Variants in TENM2 observed in about 807,000 individuals in gnomAD.
The protein encoded by TENM2 is teneurin-2.
TENM2 carries 52 observed loss-of-function variants against 245.2 expected under a neutral mutation model. The ratio of observed to expected loss-of-function variants is 0.21; its 90% CI spans 0.17 to 0.27. TENM2 has a LOEUF of 0.27. Among genes scored for constraint, TENM2 ranks in the 10% least tolerant of loss-of-function variants. The pLI is 1.00. For synonymous variants in TENM2, 1,363 were observed against 1,438.9 expected (o/e 0.95, Z 1.19); for missense variants, 3,046 against 3,666.8 (o/e 0.83, Z 4.37).
At chr5:167,811,152 C>T (rs1167554707) in intron 2 of TENM2, among the ~76,000 whole-genome samples, 2 of 152,124 alleles carry the variant, frequency 1.3e-5, no homozygotes, top group Non-Finnish European at 2.9e-5. Context: ...GTAGGATTTG[C>T]ACAAACTGTG....
the TENM2 span, among the ~76,000 whole-genome samples, chr5:167,021,139 AAAAAT>A: frequency 0.4 from 60,775 of 151,548 alleles, 13,018 homozygotes; most frequent in Admixed American, 0.55. Context: ...CTCAAAAAAT[AAAAAT>A]AAAATAAAAT....
intron 7 of TENM2, among the ~76,000 whole-genome samples, chr5:168,077,478 G>A (rs180910806): frequency 6.6e-6 from 1 of 151,736 alleles, no homozygotes; most frequent in Non-Finnish European, 1.5e-5. Flanking sequence ...TGCACAAAGT[G>A]CAGGTTTGTT....
intron 25 of TENM2, among the ~76,000 whole-genome samples, chr5:168,233,795 C>T (rs1765162394): frequency 6.6e-6 from 1 of 152,068 alleles, no homozygotes; most frequent in African/African-American, 2.4e-5. Context: ...AGAATCATGG[C>T]GGGAGGCAAA....
intron 5 of TENM2, among the ~76,000 whole-genome samples, chr5:167,994,117 G>A (rs566694431): frequency 6.6e-6 from 1 of 151,502 alleles, no homozygotes. Context: ...AGGCCATGGT[G>A]ATGTTTGTTA....
chr5:167,560,480 G>A (rs565367493), intron 2 of TENM2, among the ~76,000 whole-genome samples: 1 of 152,220 alleles, frequency 6.6e-6, no homozygotes, highest in African/African-American at 2.4e-5. Flanking sequence ...GAGAGTGGTA[G>A]TATGTACACC....
the TENM2 span, among the ~76,000 whole-genome samples, chr5:167,197,780 G>A: frequency 2.0e-5 from 3 of 151,680 alleles, no homozygotes; most frequent in South Asian, 2.1e-4. Context: ...CCATATTCTC[G>A]GTTGTAAAAT....
chr5:167,695,258 A>G lies in TENM2; in HGVS notation c.503-180728A>G, dbSNP rs147813736. On this transcript the variant is annotated intron_variant, in intron 2 of 28. Transcript: ENST00000518659. ...GTAAGTATCTTAGGCTTTGCAGGCC[A>G]TGAGGTCTCTGTTGCTACTACTCAG... Among the ~76,000 whole-genome samples the G allele has an allele frequency of 3.3e-3, 509 of 152,322 alleles. 3 individuals are homozygous for G. The highest frequency in any genetic ancestry group is 6.8e-3 in the Middle Eastern group (2 of 294).
intron 2 of TENM2, among the ~76,000 whole-genome samples, chr5:167,497,197 G>A (rs987006733): frequency 6.6e-6 from 1 of 151,858 alleles, no homozygotes; most frequent in African/African-American, 2.4e-5. Flanking sequence ...AGTCCTAACA[G>A]GACATTTAGG....
At chr5:168,262,135 C>T (rs549180477) in exon 29 of TENM2, 19 of 1,613,850 alleles carry the variant, frequency 1.2e-5, no homozygotes, top group Admixed American at 1.2e-4. Context: ...AAAAGCTCCA[C>T]GCCAGCATCC....
At chr5:168,045,690 C>T (rs906385121) in intron 5 of TENM2, among the ~76,000 whole-genome samples, 7 of 152,156 alleles carry the variant, frequency 4.6e-5, no homozygotes, top group African/African-American at 1.4e-4. Context: ...TGGCCCAAGG[C>T]GAGCTTCAAT....
intron 2 of TENM2, among the ~76,000 whole-genome samples, chr5:167,509,420 A>G (rs1264327720): frequency 6.6e-6 from 1 of 152,246 alleles, no homozygotes; most frequent in Non-Finnish European, 1.5e-5. Context: ...TTATTGGATT[A>G]ACTTGAAAAG....
the TENM2 span, among the ~76,000 whole-genome samples, chr5:167,057,278 G>A: frequency 4.6e-5 from 7 of 151,910 alleles, no homozygotes; most frequent in Admixed American, 2.0e-4. Flanking sequence ...GCTTATTAAT[G>A]GTCATTTAAA....
chr5:167,853,311 A>AAG (rs1462506773), intron 2 of TENM2, among the ~76,000 whole-genome samples: 1 of 143,980 alleles, frequency 6.9e-6, no homozygotes, highest in African/African-American at 2.7e-5. Context: ...AAAAAAAAAA[A>AAG]AGAAAGTGAT....
At chr5:167,341,589 A>C (rs1284099536) in intron 1 of TENM2, among the ~76,000 whole-genome samples, 1 of 152,114 alleles carries the variant, frequency 6.6e-6, no homozygotes. Context: ...CCATTTATGA[A>C]GTACTTCACA....
At chr5:167,840,919 C>G (rs554223410) in intron 2 of TENM2, among the ~76,000 whole-genome samples, 1 of 152,206 alleles carries the variant, frequency 6.6e-6, no homozygotes, top group Non-Finnish European at 1.5e-5. Flanking sequence ...GCCAGTGACT[C>G]TTAATGCTGC....
intron 23 of TENM2, 133 bp from the exon 26 acceptor site, chr5:168,225,955 G>T (rs754578717): frequency 1.5e-6 from 1 of 678,352 alleles, no homozygotes; most frequent in South Asian, 2.0e-5. Flanking sequence ...TGTGACGAGG[G>T]GCCTCAGTGA....
At chr5:167,764,161 A>C (rs1762854871) in intron 2 of TENM2, among the ~76,000 whole-genome samples, 1 of 152,144 alleles carries the variant, frequency 6.6e-6, no homozygotes, top group Admixed American at 6.6e-5. Context: ...GTTAGGGATA[A>C]ATTTGGGAGA....
At chr5:168,175,736 G>A (rs776789871) in intron 13 of TENM2, among the ~76,000 whole-genome samples, 3 of 152,132 alleles carry the variant, frequency 2.0e-5, no homozygotes, top group Non-Finnish European at 2.9e-5. Context: ...GGGTTATGCT[G>A]GAAAAGAGGA....
At chr5:167,619,732 G>C (rs1332989463) in intron 2 of TENM2, among the ~76,000 whole-genome samples, 1 of 152,152 alleles carries the variant, frequency 6.6e-6, no homozygotes, top group Admixed American at 6.6e-5. Flanking sequence ...ATAGACTGCA[G>C]TCAGGCAAAC....
Sources: gnomAD v4.1 joint callset for allele counts (sites outside exome capture counted in the v4.1 genomes callset) on GRCh38, gnomAD v4.1.1 for gene constraint, MANE v1.5 for transcripts, NCBI Gene and HGNC (gene_info 2026-07-23, HGNC 2026-07-21) for gene names.